Variants in ARHGAP18 observed in about 807,000 individuals in gnomAD.
The protein encoded by ARHGAP18 is rho GTPase-activating protein 18.
Under a neutral mutation model 86.2 loss-of-function variants are expected in ARHGAP18, and 67 were observed. The observed-to-expected ratio is 0.78, with a 90% confidence interval of 0.64 to 0.95. ARHGAP18 has a LOEUF of 0.95. Among genes scored for constraint, ARHGAP18 ranks in the 40% least tolerant of loss-of-function variants. The pLI is 0.00. For synonymous variants in ARHGAP18, 283 were observed against 280.4 expected, an observed-to-expected ratio of 1.01 and a Z score of -0.09; for missense variants, 691 against 780.4, an observed-to-expected ratio of 0.89 and a Z score of 1.37.
intron 1 of ARHGAP18, among the ~76,000 whole-genome samples, chr6:129,692,824 C>G (rs141583377): frequency 7.5e-4 from 115 of 152,324 alleles, no homozygotes; most frequent in African/African-American, 2.6e-3. Context: ...CCTCAAAGAG[C>G]TGCAGTGAGT....
chr6:129,601,828 A>G (rs578149683), intron 10 of ARHGAP18, among the ~76,000 whole-genome samples: 2 of 151,460 alleles, frequency 1.3e-5, no homozygotes, highest in East Asian at 3.9e-4. Flanking sequence ...AATTCTCGCA[A>G]TGTTGCCCAG....
chr6:129,645,375 A>G (rs147806177), intron 1 of ARHGAP18, among the ~76,000 whole-genome samples: 2 of 152,338 alleles, frequency 1.3e-5, no homozygotes, highest in East Asian at 1.9e-4. Context: ...ATGGGGTTCA[A>G]AAACATAAAG....
At chr6:129,655,618 G>A (rs1011393365) in intron 1 of ARHGAP18, among the ~76,000 whole-genome samples, 1 of 151,226 alleles carries the variant, frequency 6.6e-6, no homozygotes, top group African/African-American at 2.4e-5. Context: ...TTTAACTCAG[G>A]TGTTTGAGGG....
chr6:129,709,625 T>C (rs1774868001), intron 1 of ARHGAP18, among the ~76,000 whole-genome samples: 2 of 152,260 alleles, frequency 1.3e-5, no homozygotes, highest in Non-Finnish European at 2.9e-5. Flanking sequence ...ACAGCCTCCC[T>C]GCTTTTTGGC....
In ARHGAP18 at chr6:129,618,667, G is replaced by T. The variant is rs764813922; in HGVS notation, c.952+20C>A. 1.9e-6 allele frequency: 3 copies of T among 1,584,904 alleles called. No individual in the cohort carries two copies. The highest frequency in any genetic ancestry group is 1.3e-5 in the African/African-American group (1 of 74,264). ...TGCTATTTTAGAAATAAATCCAAGG[G>T]TTTATCATTTCATGATTACCTTTTG... On this transcript the variant is annotated intron_variant, in intron 6 of 14. Transcript: ENST00000368149.
chr6:129,589,962 T>C (rs1788477624), intron 12 of ARHGAP18, among the ~76,000 whole-genome samples: 1 of 152,140 alleles, frequency 6.6e-6, no homozygotes, highest in Admixed American at 6.5e-5. Context: ...ATTGAAGAAC[T>C]TGGAGTCCAA....
At chr6:129,580,949 T>C (rs1275314318) in intron 13 of ARHGAP18, among the ~76,000 whole-genome samples, 1 of 151,878 alleles carries the variant, frequency 6.6e-6, no homozygotes, top group Non-Finnish European at 1.5e-5. Flanking sequence ...ACCCTCAGAG[T>C]GGAAGCAAAT....
chr6:129,701,567 C>T (rs1407126914), intron 1 of ARHGAP18, among the ~76,000 whole-genome samples: 1 of 152,096 alleles, frequency 6.6e-6, no homozygotes, highest in Non-Finnish European at 1.5e-5. Flanking sequence ...GTCAGGAGTT[C>T]GAGAACAGCC....
At chr6:129,705,055 G>A (rs948345142) in intron 1 of ARHGAP18, among the ~76,000 whole-genome samples, 4 of 152,066 alleles carry the variant, frequency 2.6e-5, no homozygotes, top group African/African-American at 9.7e-5. Flanking sequence ...GATATTTTGG[G>A]GCTCACCTGT....
intron 1 of ARHGAP18, among the ~76,000 whole-genome samples, chr6:129,665,052 T>C (rs1163041453): frequency 6.6e-6 from 1 of 152,202 alleles, no homozygotes; most frequent in African/African-American, 2.4e-5. Flanking sequence ...ACAGAGCCTT[T>C]AGCACTTTTT....
intron 12 of ARHGAP18, among the ~76,000 whole-genome samples, chr6:129,589,381 T>A (rs1239614439): frequency 1.3e-5 from 2 of 152,188 alleles, no homozygotes; most frequent in Admixed American, 1.3e-4. Flanking sequence ...GTTTCTTTGC[T>A]AAAGTATAGC....
At chr6:129,579,913 G>C (rs80150016) in intron 14 of ARHGAP18, among the ~76,000 whole-genome samples, 157 bp downstream of exon 14, 2 of 152,136 alleles carry the variant, frequency 1.3e-5, no homozygotes, top group Admixed American at 1.3e-4. Flanking sequence ...TGAAGAGAAA[G>C]GTCAAACCAT....
At chr6:129,663,746 C>A (rs1773993342) in intron 1 of ARHGAP18, among the ~76,000 whole-genome samples, 1 of 152,186 alleles carries the variant, frequency 6.6e-6, no homozygotes, top group Non-Finnish European at 1.5e-5. Flanking sequence ...ACAGTCCAAC[C>A]CACTAATCTT....
In ARHGAP18 at chr6:129,638,494, C is replaced by T; in HGVS notation, c.452G>A (p.Arg151Gln). The change falls in exon 3 of 15, where the codon CGA becomes CAA. Residue 151 changes from arginine to glutamine, a missense_variant. Coordinates refer to ENST00000368149, the MANE Select transcript of ARHGAP18 (RefSeq NM_033515.3). ...CAAGGTCTGGGAGACCGTCTCTACT[C>T]GCTTCTGAACTGCTGCTGCCTGGGT... ...TRTQAAAVQK[R>Q]VETVSQTLRK... 4.3e-6 allele frequency: 7 copies of T among 1,614,102 alleles called. No homozygotes were observed. Among genetic ancestry groups the T allele is most frequent in the Non-Finnish European group, 5.9e-6 (7 of 1,180,016 alleles).
chr6:129,592,918 T>C (rs534674114), intron 12 of ARHGAP18, among the ~76,000 whole-genome samples: 1 of 152,226 alleles, frequency 6.6e-6, no homozygotes, highest in East Asian at 1.9e-4. Context: ...CAGAAAAATG[T>C]GTTCGATTGT....
At chr6:129,693,933 C>T (rs886863333) in intron 1 of ARHGAP18, among the ~76,000 whole-genome samples, 6 of 152,122 alleles carry the variant, frequency 3.9e-5, no homozygotes, top group African/African-American at 1.4e-4. Context: ...TGCCAGTCGA[C>T]GTCAAGGCGG....
At chr6:129,692,440 C>A (rs1460114706) in intron 1 of ARHGAP18, among the ~76,000 whole-genome samples, 1 of 152,124 alleles carries the variant, frequency 6.6e-6, no homozygotes, top group Non-Finnish European at 1.5e-5. Context: ...TCCATACAAA[C>A]CATTTGCCTG....
chr6:129,603,858 A>G (rs12530181), intron 10 of ARHGAP18, among the ~76,000 whole-genome samples: 25,765 of 152,190 alleles, frequency 0.17, 2,514 homozygotes, highest in Middle Eastern at 0.22. Context: ...GGTATTTAAC[A>G]TGGTGCCTCC....
At chr6:129,629,600 T>C (rs1584068295) in intron 4 of ARHGAP18, 78 bp from the exon 5 acceptor site, 2 of 1,435,896 alleles carry the variant, frequency 1.4e-6, no homozygotes, top group East Asian at 2.3e-5. Context: ...ATTCGCTACA[T>C]AAAAACATTT....
Sources: allele counts gnomAD v4.1 joint callset (sites outside exome capture counted in the v4.1 genomes callset), GRCh38; gene constraint gnomAD v4.1.1; transcripts MANE v1.5; gene names NCBI Gene and HGNC (gene_info 2026-07-23, HGNC 2026-07-21).